Variants in NFS1 observed in about 807,000 individuals in gnomAD.
The protein encoded by NFS1 is cysteine desulfurase.
A neutral mutation model predicts 57.3 loss-of-function variants in NFS1; 26 were observed. That is an observed-to-expected ratio of 0.45 (90% CI 0.33 to 0.63). The LOEUF is 0.63. Among genes scored for constraint, NFS1 ranks in the 20% least tolerant of loss-of-function variants. The probability of loss-of-function intolerance (pLI) is 0.02; values close to 1 mark genes in which losing one functional copy is unlikely to be tolerated. For missense variants in NFS1, 505 were observed against 605.8 expected (o/e 0.83, Z 1.75); for synonymous variants, 209 against 216.3 (o/e 0.97, Z 0.30).
intron 7 of NFS1, among the ~76,000 whole-genome samples, chr20:35,678,459 C>G (rs979216696): frequency 3.4e-5 from 5 of 146,232 alleles, no homozygotes; most frequent in African/African-American, 1.3e-4. Flanking sequence ...ACCCGGGAGG[C>G]GGAGGTTGCA....
rs766678702 is a variant in NFS1 at position 35,669,591 on chromosome 20, C to T, written c.*31G>A. The T allele has an allele frequency of 6.2e-7, 1 of 1,610,374 alleles. No homozygotes were observed. The highest frequency in any genetic ancestry group is 1.7e-5 in the Admixed American group (1 of 60,014). Reference sequence around the variant, plus strand: ...CACGGGTTGGTGAGGCAGGAGGGGCCAGACCAGCACAAAGTCAGGGCCCTA... The same window carrying T: ...CACGGGTTGGTGAGGCAGGAGGGGCTAGACCAGCACAAAGTCAGGGCCCTA... On this transcript the variant is annotated 3_prime_UTR_variant, in exon 13 of 13. Transcript: ENST00000374092.
At chr20:35,672,992 A>G (rs2034682306) in intron 11 of NFS1, 148 bp from the exon 12 acceptor site, 1 of 603,596 alleles carries the variant, frequency 1.7e-6, no homozygotes, top group Admixed American at 3.1e-5. Context: ...TTCTCAGAAC[A>G]TGGTATATGG....
At chr20:35,690,785 C>G (rs575834877) in intron 4 of NFS1, among the ~76,000 whole-genome samples, 31 of 152,292 alleles carry the variant, frequency 2.0e-4, no homozygotes, top group Admixed American at 2.0e-3. Context: ...GCCCCTAGTT[C>G]AGATACCAGA....
chr20:35,695,125 T>C (rs1178499006), intron 4 of NFS1, among the ~76,000 whole-genome samples: 1 of 152,218 alleles, frequency 6.6e-6, no homozygotes, highest in Non-Finnish European at 1.5e-5. Context: ...TGGTTTGGAA[T>C]CTGTGGAGAC....
chr20:35,679,791 G>A (rs560932373), intron 7 of NFS1, among the ~76,000 whole-genome samples: 1 of 152,168 alleles, frequency 6.6e-6, no homozygotes, highest in African/African-American at 2.4e-5. Flanking sequence ...TACCAGCACA[G>A]ACATCAACCC....
intron 7 of NFS1, among the ~76,000 whole-genome samples, chr20:35,676,772 A>C (rs943852961): frequency 4.0e-5 from 6 of 148,636 alleles, no homozygotes; most frequent in African/African-American, 7.4e-5. Context: ...AAAAAAAAAA[A>C]AAAAAAAAAA....
In NFS1 at chr20:35,668,293, T is replaced by C. The variant is rs2146406186; in HGVS notation, c.*1329A>G. On this transcript the variant is annotated 3_prime_UTR_variant, in exon 13 of 13. Transcript: ENST00000374092. ...TGGCAAGTATGAAAAGCAATTAAACTTTTTTGACCATTATCCACAATAAGA... is the reference window on the plus strand; with the variant it reads ...TGGCAAGTATGAAAAGCAATTAAACCTTTTTGACCATTATCCACAATAAGA... 6.6e-6 allele frequency: 1 copy of C among 152,344 alleles called. No individual in the cohort carries two copies. Among genetic ancestry groups the C allele is most frequent in the East Asian group, 1.9e-4 (1 of 5,194 alleles). The allele number at this position is 152,344 out of a possible 1,614,324, so 9.4% of individuals were successfully genotyped here. A position where few individuals can be genotyped will look rare whatever the true frequency, so the allele number is the denominator to read the frequency against.
chr20:35,689,968 A>T (rs1036338412), intron 5 of NFS1, among the ~76,000 whole-genome samples: 1 of 145,578 alleles, frequency 6.9e-6, no homozygotes, highest in Non-Finnish European at 1.5e-5. Flanking sequence ...GCCTGGTGGC[A>T]TGCGTCTGTA....
At chr20:35,675,498 C>T in intron 7 of NFS1, 1 of 379,248 alleles carries the variant, frequency 2.6e-6, no homozygotes, top group Non-Finnish European at 4.7e-6. Context: ...AGCAAAAATA[C>T]TGGGAACAAC....
At chr20:35,698,955 C>G (rs990183989) in intron 1 of NFS1, 11 of 1,314,928 alleles carry the variant, frequency 8.4e-6, no homozygotes, top group Non-Finnish European at 9.7e-6. Flanking sequence ...TGGCCAGGAG[C>G]GGTCTGAAGG....
At position 35,673,311 on chromosome 20, in the gene NFS1, C is replaced by T. The variant is rs1442941247; in HGVS notation, c.1220+290G>A. On this transcript the variant is annotated intron_variant, in intron 11 of 12. Transcript: ENST00000374092. ...TCAGAAAAAAAAAAAAGAACATGAT[C>T]TACGGACCACCAACATTAAAATCAC... is the stretch of plus-strand genomic sequence containing the variant. Among the ~76,000 whole-genome samples the T allele has an allele frequency of 2.0e-5, 3 of 151,516 alleles. No individual in the cohort carries two copies. The East Asian group carries it at 5.8e-4, about 29-fold the overall frequency.
intron 1 of NFS1, 127 bp from the exon 2 acceptor site, chr20:35,698,717 T>C (rs1406536593): frequency 7.0e-7 from 1 of 1,422,024 alleles, no homozygotes; most frequent in Admixed American, 3.2e-5. Flanking sequence ...GGGTCGAATC[T>C]CAATGGAAAG....
At chr20:35,673,745 C>A (rs1305561817) in intron 10 of NFS1, 61 bp from the exon 11 acceptor site, 1 of 1,379,166 alleles carries the variant, frequency 7.3e-7, no homozygotes. Context: ...TAGTCACAAA[C>A]CCTCAGTCTT....
chr20:35,696,268 G>T (rs1158772793), intron 4 of NFS1, 109 bp downstream of exon 4: 1 of 751,062 alleles, frequency 1.3e-6, no homozygotes. Context: ...TCTTCACAAT[G>T]GGGTGGGGAT....
intron 6 of NFS1, 105 bp from the exon 7 acceptor site, chr20:35,680,976 A>G: frequency 1.0e-6 from 1 of 963,834 alleles, no homozygotes; most frequent in East Asian, 3.0e-5. Context: ...ACCTGTAAAT[A>G]TTAAACTCCT....
chr20:35,675,139 C>A lies in NFS1; in HGVS notation c.854G>T (p.Gly285Val), dbSNP rs750751477. Residue 285 changes from glycine to valine, a missense_variant, in exon 8 of 13, where the codon GGG (glycine) becomes GTG (valine). By Grantham distance (109) the Gly-to-Val change is moderately radical. Transcript: ENST00000374092. ...AGACCGCATACCCCGCTCCTGCCCC[C>A]CTCCACTCTGCAGGGCCTCCACACG... ...RVRVEALQSG[G>V]GQERGMRSGT... 2.5e-6 allele frequency: 4 copies of A among 1,613,976 alleles called. No homozygotes were observed. The highest frequency in any genetic ancestry group is 3.4e-6 in the Non-Finnish European group (4 of 1,180,012).
At chr20:35,670,225 C>T (rs1681538029) in intron 12 of NFS1, among the ~76,000 whole-genome samples, 1 of 152,202 alleles carries the variant, frequency 6.6e-6, no homozygotes, top group Admixed American at 6.5e-5. Context: ...CCAGTTCTTG[C>T]CCGTTTCATC....
At chr20:35,680,646 A>G in intron 7 of NFS1, 91 bp downstream of exon 7, 10 of 1,161,482 alleles carry the variant, frequency 8.6e-6, no homozygotes, top group Non-Finnish European at 1.2e-5. Flanking sequence ...TTCCTCTGAG[A>G]GCAACAGTAG....
intron 7 of NFS1, among the ~76,000 whole-genome samples, chr20:35,676,774 A>C (rs1451942007): frequency 3.4e-5 from 5 of 148,818 alleles, no homozygotes; most frequent in Non-Finnish European, 6.0e-5. Context: ...AAAAAAAAAA[A>C]AAAAAAAAAA....
Sources: gnomAD v4.1 joint callset for allele counts (sites outside exome capture counted in the v4.1 genomes callset) on GRCh38, gnomAD v4.1.1 for gene constraint, MANE v1.5 for transcripts, NCBI Gene and HGNC (gene_info 2026-07-23, HGNC 2026-07-21) for gene names.